Variants in NRXN3 observed in about 807,000 individuals in gnomAD.
NRXN3 encodes the protein neurexin III.
A neutral mutation model predicts 137.6 loss-of-function variants in NRXN3; 32 were observed. The ratio of observed to expected loss-of-function variants is 0.23; its 90% CI spans 0.18 to 0.31. The LOEUF is 0.31. Ranked by LOEUF, NRXN3 falls within the 10% of genes least tolerant of loss-of-function variation. The pLI, the probability that NRXN3 is intolerant of heterozygous loss-of-function variation, is 1.00. For synonymous variants in NRXN3, 798 were observed against 784.5 expected (o/e 1.02, Z -0.29); for missense variants, 1,574 against 2,062.5 (o/e 0.76, Z 4.59).
chr14:79,272,223 T>G (rs1183854112), intron 15 of NRXN3, among the ~76,000 whole-genome samples: 4 of 151,676 alleles, frequency 2.6e-5, no homozygotes, highest in Admixed American at 2.6e-4. Context: ...TAGGTTTTTT[T>G]TTTTTTTTTT....
chr14:79,728,534 C>A (rs527789075), intron 19 of NRXN3, among the ~76,000 whole-genome samples: 2 of 152,230 alleles, frequency 1.3e-5, no homozygotes, highest in Non-Finnish European at 2.9e-5. Flanking sequence ...AGGCAAACCG[C>A]AGCAGGAAGA....
At chr14:79,537,369 C>A (rs2097221694) in intron 16 of NRXN3, among the ~76,000 whole-genome samples, 1 of 151,864 alleles carries the variant, frequency 6.6e-6, no homozygotes, top group African/African-American at 2.4e-5. Context: ...TATACATGTG[C>A]CATGTTGGTG....
intron 10 of NRXN3, among the ~76,000 whole-genome samples, chr14:78,922,067 T>G (rs2099272238): frequency 6.6e-6 from 1 of 152,226 alleles, no homozygotes; most frequent in Non-Finnish European, 1.5e-5. Context: ...ACCCTGGTGA[T>G]TTCGCTATCA....
chr14:78,493,713 A>G (rs1375990439), intron 4 of NRXN3, among the ~76,000 whole-genome samples: 1 of 152,108 alleles, frequency 6.6e-6, no homozygotes, highest in East Asian at 1.9e-4. Context: ...ACTTAGAGAA[A>G]AAATGACTTT....
At chr14:78,803,909 G>C (rs575114271) in intron 9 of NRXN3, 86 bp downstream of exon 9, 200 of 1,339,624 alleles carry the variant, frequency 1.5e-4, no homozygotes, top group Admixed American at 6.7e-4. Context: ...TGAATTCTTT[G>C]TTTGTTTCTT....
At chr14:78,497,490 C>G (rs909173955) in intron 4 of NRXN3, among the ~76,000 whole-genome samples, 9 of 151,608 alleles carry the variant, frequency 5.9e-5, no homozygotes, top group African/African-American at 2.2e-4. Context: ...ACTTGCTGTT[C>G]TCATTAACCT....
chr14:78,460,260 G>A (rs2094882902), intron 4 of NRXN3, among the ~76,000 whole-genome samples: 1 of 152,216 alleles, frequency 6.6e-6, no homozygotes, highest in African/African-American at 2.4e-5. Flanking sequence ...GTCTTTTGGG[G>A]TTTTTGTGGA....
intron 15 of NRXN3, among the ~76,000 whole-genome samples, chr14:79,404,608 C>T (rs1415622342): frequency 2.0e-5 from 3 of 152,032 alleles, no homozygotes; most frequent in Non-Finnish European, 4.4e-5. Context: ...AAACTAGGGG[C>T]ATACACTGCG....
intron 15 of NRXN3, among the ~76,000 whole-genome samples, chr14:79,294,595 T>C (rs1172361170): frequency 6.6e-6 from 1 of 152,146 alleles, no homozygotes; most frequent in Non-Finnish European, 1.5e-5. Flanking sequence ...GTCATCCAAG[T>C]ATTAAGTGAC....
chr14:79,636,071 C>T (rs1383616324), intron 16 of NRXN3, among the ~76,000 whole-genome samples: 1 of 152,144 alleles, frequency 6.6e-6, no homozygotes, highest in Non-Finnish European at 1.5e-5. Context: ...TGTCTGTCTT[C>T]ACATGGTGTT....
At chr14:79,528,204 A>G (rs1478966917) in intron 16 of NRXN3, among the ~76,000 whole-genome samples, 2 of 152,210 alleles carry the variant, frequency 1.3e-5, no homozygotes, top group Non-Finnish European at 2.9e-5. Context: ...AAAAGAAGAT[A>G]AGTGCCCAAT....
chr14:78,592,244 C>T (rs1357535484), intron 4 of NRXN3, among the ~76,000 whole-genome samples: 2 of 152,020 alleles, frequency 1.3e-5, no homozygotes, highest in African/African-American at 4.8e-5. Flanking sequence ...CAAGTGATTT[C>T]TTTTTAACCC....
intron 16 of NRXN3, among the ~76,000 whole-genome samples, chr14:79,600,214 T>G (rs2097907988): frequency 6.6e-6 from 1 of 152,204 alleles, no homozygotes; most frequent in Admixed American, 6.5e-5. Context: ...CTATGTCTAC[T>G]TATAGGAGTA....
intron 15 of NRXN3, among the ~76,000 whole-genome samples, chr14:79,350,605 G>T (rs1347120819): frequency 6.6e-6 from 1 of 152,164 alleles, no homozygotes; most frequent in Non-Finnish European, 1.5e-5. Flanking sequence ...GGAGGAAAGG[G>T]TGTGTGTTTT....
chr14:79,064,479 C>G (rs2099678189), intron 15 of NRXN3, among the ~76,000 whole-genome samples: 1 of 151,996 alleles, frequency 6.6e-6, no homozygotes. Context: ...TGGTCATATT[C>G]TCCAAGTTAT....
intron 15 of NRXN3, among the ~76,000 whole-genome samples, chr14:79,036,466 A>G (rs1272053326): frequency 2.0e-5 from 3 of 152,060 alleles, no homozygotes; most frequent in Non-Finnish European, 4.4e-5. Flanking sequence ...TTTATTTCCT[A>G]GATGAGTTAT....
At chr14:79,777,608 G>A (rs2099101029) in intron 19 of NRXN3, among the ~76,000 whole-genome samples, 1 of 151,956 alleles carries the variant, frequency 6.6e-6, no homozygotes, top group Non-Finnish European at 1.5e-5. Flanking sequence ...ATGGATGGAT[G>A]GATGTGAATT....
In NRXN3 at chr14:79,407,961, CA is replaced by C. The variant is rs1255868184; in HGVS notation, c.3263-59259del. On this transcript the variant is annotated intron_variant, in intron 15 of 20. Coordinates refer to ENST00000335750, the MANE Select transcript of NRXN3 (RefSeq NM_001330195.2). ...ATTGGAGGGAAGTTGAATATTGGTTCATATCTTGTTTTAGGTTCTGGTTTAC... is the reference window on the plus strand; with the variant it reads ...ATTGGAGGGAAGTTGAATATTGGTTCTATCTTGTTTTAGGTTCTGGTTTAC... Among the ~76,000 whole-genome samples, 8 of 152,082 alleles carry C rather than the reference CA, an allele frequency of 5.3e-5. No individual in the cohort carries two copies. In the East Asian group the frequency reaches 1.3e-3, roughly 26 times the overall value.
At chr14:79,417,712 T>C (rs1314098881) in intron 15 of NRXN3, among the ~76,000 whole-genome samples, 3 of 152,070 alleles carry the variant, frequency 2.0e-5, no homozygotes. Context: ...CTGATGAAAA[T>C]AGCTCAAAAT....
Sources: gnomAD v4.1 joint callset for allele counts (sites outside exome capture counted in the v4.1 genomes callset) on GRCh38, gnomAD v4.1.1 for gene constraint, MANE v1.5 for transcripts, NCBI Gene and HGNC (gene_info 2026-07-23, HGNC 2026-07-21) for gene names.